PIK3C2B: variants seen among roughly 807,000 people sequenced by gnomAD.
The protein encoded by PIK3C2B is phosphatidylinositol-4-phosphate 3-kinase catalytic subunit type 2 beta, also known as phosphatidylinositol 4-phosphate 3-kinase C2 domain-containing subunit beta.
In PIK3C2B, 83 loss-of-function variants were observed where a neutral mutation model predicts 184.3. The ratio of observed to expected loss-of-function variants is 0.45; its 90% CI spans 0.38 to 0.54. The LOEUF (loss-of-function observed/expected upper bound fraction) is 0.54. PIK3C2B is among the 20% of genes least tolerant of loss of function. PIK3C2B has a pLI of 0.00. For synonymous variants in PIK3C2B, 779 were observed against 837.6 expected (o/e 0.93, Z 1.21); for missense variants, 1,736 against 2,113.5 (o/e 0.82, Z 3.50).
Position 204,434,577 on chromosome 1 carries a change from C to A in PIK3C2B, c.3548G>T (p.Gly1183Val). 6.2e-7 allele frequency: 1 copy of A among 1,614,064 alleles called. No homozygotes were observed. The highest frequency in any genetic ancestry group is 8.5e-7 in the Non-Finnish European group (1 of 1,179,928). Residue 1183 changes from glycine to valine, a missense_variant, in exon 24 of 33, where the codon GGC becomes GTC. Gly to Val is a moderately radical substitution (Grantham distance 109). Transcript: ENST00000684373. ...CAAGACGTACGTGGCCACGCAGCAGCCAGCGCAGGAGTAGATAAAGTTCTC... is the reference window on the plus strand; with the variant it reads ...CAAGACGTACGTGGCCACGCAGCAGACAGCGCAGGAGTAGATAAAGTTCTC... Reference protein sequence around the residue: ...AVENFIYSCAGCCVATYVLGI... With the variant: ...AVENFIYSCAVCCVATYVLGI...
At chr1:204,449,620 T>C (rs958185056) in intron 13 of PIK3C2B, among the ~76,000 whole-genome samples, 21 of 152,180 alleles carry the variant, frequency 1.4e-4, no homozygotes, top group Admixed American at 1.2e-3. Flanking sequence ...GCATTGCTTT[T>C]CCATGTATCC....
rs1294195405 is a variant in PIK3C2B at position 204,468,801 on chromosome 1, CAG to C, written c.933+67_933+68del. ...CTTGGCAGAGTTGGATGTAGAACAG[CAG>C]AGACTAGTCCCTGTTTCTGAAGGAC... is the stretch of plus-strand genomic sequence containing the variant. On this transcript the variant is annotated intron_variant, in intron 2 of 32. Transcript: ENST00000684373. 6 of 1,354,268 alleles carry C rather than the reference CAG, an allele frequency of 4.4e-6. No individual in the cohort carries two copies. In the East Asian group the frequency reaches 1.4e-4, roughly 31 times the overall value. 83.9% of individuals were successfully genotyped at this position (1,354,268 alleles called of 1,614,324 possible).
chr1:204,425,523 C>T, intron 32 of PIK3C2B, 90 bp downstream of exon 32: 1 of 1,392,052 alleles, frequency 7.2e-7, no homozygotes, highest in Non-Finnish European at 1.0e-6. Context: ...CTTAATACAA[C>T]ATCTTAATAC....
At position 204,469,025 on chromosome 1, in the gene PIK3C2B, G is replaced by A. The variant is rs1209267432; in HGVS notation, c.778C>T (p.Arg260Ter). 6 of 1,614,148 alleles carry A rather than the reference G, an allele frequency of 3.7e-6. No homozygotes were observed. The highest frequency in any genetic ancestry group is 1.1e-5 in the South Asian group (1 of 91,084). The part of the protein sequence containing the change: ...RDATRGWKEG[R>*]GPLDFSKDTS... ...TCTTTGCTGAAGTCCAGCGGCCCTC[G>A]GCCCTCCTTCCAGCCCCTGGTGGCA... The change falls in exon 2 of 33, where the codon CGA becomes TGA. Residue 260 changes from arginine (R) to a stop codon, truncating the protein, a stop_gained. Transcript: ENST00000684373. LOFTEE classifies it high-confidence loss of function.
chr1:204,433,695 G>T lies in PIK3C2B; in HGVS notation c.3843+98C>A. On this transcript the variant is annotated intron_variant, in intron 25 of 32. Transcript: ENST00000684373. This position sits in a 1 kb window ranked among gnomAD's most constrained non-coding sequence, Gnocchi z 5.0. ...AGGTATTCAGTTGGGGCTCAGAGAGGTAAATCTCTAGAAATCCTCTGCGGC... is the reference window on the plus strand; with the variant it reads ...AGGTATTCAGTTGGGGCTCAGAGAGTTAAATCTCTAGAAATCCTCTGCGGC... The T allele has an allele frequency of 8.3e-7, 1 of 1,209,436 alleles. No homozygotes were observed. The highest frequency in any genetic ancestry group is 1.2e-6 in the Non-Finnish European group (1 of 830,444). 74.9% of individuals were successfully genotyped at this position (1,209,436 alleles called of 1,614,324 possible). A position where few individuals can be genotyped will look rare whatever the true frequency, so the allele number is the denominator to read the frequency against.
chr1:204,484,317 T>C (rs1307722742), intron 1 of PIK3C2B, among the ~76,000 whole-genome samples: 1 of 152,198 alleles, frequency 6.6e-6, no homozygotes, highest in Non-Finnish European at 1.5e-5. Context: ...ATGCAATAAT[T>C]GGCCCAAAGG....
At position 204,482,229 on chromosome 1, in the gene PIK3C2B, G is replaced by A. The variant is rs577631903; in HGVS notation, c.-85+12127C>T. On this transcript the variant is annotated intron_variant, in intron 1 of 32. Transcript: ENST00000684373. ...TCTAGAGTACAGTCCCCACAATGCT[G>A]CCCACTGGGCAGCCTGCCCCTTTAA... 1.1e-3 allele frequency among the ~76,000 whole-genome samples: 165 copies of A among 151,732 alleles called. 1 individual carries two copies. Among genetic ancestry groups the A allele is most frequent in the Non-Finnish European group, 6.9e-4 (47 of 68,008 alleles).
At chr1:204,483,199 A>T (rs1657324600) in intron 1 of PIK3C2B, among the ~76,000 whole-genome samples, 1 of 152,140 alleles carries the variant, frequency 6.6e-6, no homozygotes, top group Admixed American at 6.5e-5. Flanking sequence ...AAGCAGGACG[A>T]TCGCTTGAGC....
intron 2 of PIK3C2B, chr1:204,466,743 G>A: frequency 2.1e-6 from 1 of 469,970 alleles, no homozygotes; most frequent in Non-Finnish European, 4.3e-6. Context: ...CCACTCACTG[G>A]CACCATAAGA....
chr1:204,484,583 A>C (rs1279098195), intron 1 of PIK3C2B, among the ~76,000 whole-genome samples: 2 of 152,096 alleles, frequency 1.3e-5, no homozygotes, highest in African/African-American at 4.8e-5. Context: ...AAATACTAAA[A>C]ATTAGCTGGG....
chr1:204,427,363 A>T (rs541238687), intron 31 of PIK3C2B, among the ~76,000 whole-genome samples: 3 of 152,334 alleles, frequency 2.0e-5, no homozygotes, highest in African/African-American at 7.2e-5. Context: ...CACAAGCATT[A>T]TCTCATTTAA....
intron 1 of PIK3C2B, among the ~76,000 whole-genome samples, chr1:204,484,043 C>T (rs553437025): frequency 6.6e-6 from 1 of 152,282 alleles, no homozygotes; most frequent in Admixed American, 6.5e-5. Flanking sequence ...GAAACTAGTA[C>T]AGCCCACTGT....
At chr1:204,473,238 T>C (rs750519413) in intron 1 of PIK3C2B, among the ~76,000 whole-genome samples, 4 of 152,254 alleles carry the variant, frequency 2.6e-5, no homozygotes, top group Non-Finnish European at 4.4e-5. Flanking sequence ...CACAGGACCC[T>C]GGTCTGAAGG....
intron 2 of PIK3C2B, 101 bp downstream of exon 2, chr1:204,468,769 G>A (rs1327999076): frequency 1.8e-6 from 2 of 1,097,550 alleles, no homozygotes; most frequent in Non-Finnish European, 2.6e-6. Flanking sequence ...GCCTAAAGGG[G>A]TAAGGACTTG....
chr1:204,448,750 C>A (rs1412721389), intron 14 of PIK3C2B, among the ~76,000 whole-genome samples: 1 of 152,124 alleles, frequency 6.6e-6, no homozygotes, highest in Non-Finnish European at 1.5e-5. Flanking sequence ...GAGAAGTGCA[C>A]CTTGGGCGTG....
chr1:204,489,316 C>A (rs767088529), intron 1 of PIK3C2B, among the ~76,000 whole-genome samples: 2 of 152,030 alleles, frequency 1.3e-5, no homozygotes, highest in Non-Finnish European at 2.9e-5. Flanking sequence ...CACAAGTGTG[C>A]GCCATCACAC....
chr1:204,487,334 A>G (rs926622719), intron 1 of PIK3C2B, among the ~76,000 whole-genome samples: 1 of 152,222 alleles, frequency 6.6e-6, no homozygotes, highest in African/African-American at 2.4e-5. Context: ...TCTTACTTTT[A>G]TCATTTCAAC....
In PIK3C2B at chr1:204,427,120, G is replaced by A. The variant is rs528323825; in HGVS notation, c.4587+528C>T. Among the ~76,000 whole-genome samples, 6 of 150,712 alleles carry A rather than the reference G, an allele frequency of 4.0e-5. 1 individual carries two copies. In the South Asian group the frequency reaches 8.4e-4, roughly 21 times the overall value. ...CCACTGCACTCCAGCCTGGGTGACA[G>A]AGCAAAACTCCATTTCAAAAAAAAA... is the stretch of plus-strand genomic sequence containing the variant. On this transcript the variant is annotated intron_variant, in intron 31 of 32. Coordinates refer to ENST00000684373, the MANE Select transcript of PIK3C2B (RefSeq NM_001377334.1).
At chr1:204,452,454 T>A (rs949710133) in intron 12 of PIK3C2B, among the ~76,000 whole-genome samples, 7 of 148,938 alleles carry the variant, frequency 4.7e-5, no homozygotes, top group Admixed American at 4.0e-4. Flanking sequence ...ATTTTTTGTA[T>A]TTTTTGTAGA....
Sources: allele counts gnomAD v4.1 joint callset (sites outside exome capture counted in the v4.1 genomes callset), GRCh38; gene constraint gnomAD v4.1.1; non-coding constraint Gnocchi (gnomAD v3.1); transcripts MANE v1.5; gene names NCBI Gene and HGNC (gene_info 2026-07-23, HGNC 2026-07-21).